The following LAMB4 variants were observed in gnomAD, a reference collection of about 807,000 sequenced individuals.
LAMB4 encodes the protein laminin subunit beta 4, also known as laminin subunit beta-4.
LAMB4 carries 196 observed loss-of-function variants against 199.2 expected under a neutral mutation model. That is an observed-to-expected ratio of 0.98 (90% CI 0.88 to 1.11). The LOEUF is 1.11. Ranked by LOEUF, LAMB4 falls within the 50% of genes least tolerant of loss-of-function variation. The probability of loss-of-function intolerance (pLI) is 0.00; values close to 1 mark genes in which losing one functional copy is unlikely to be tolerated. For synonymous variants in LAMB4, 744 were observed against 770.6 expected (o/e 0.97, Z 0.57); for missense variants, 2,080 against 2,171.2 (o/e 0.96, Z 0.83).
chr7:108,064,092 G>A, intron 21 of LAMB4, 107 bp from the exon 22 acceptor site: 6 of 775,978 alleles, frequency 7.7e-6, no homozygotes, highest in Non-Finnish European at 1.1e-5. Flanking sequence ...TAGGAATAAT[G>A]AGAAATCACA....
intron 28 of LAMB4, 77 bp downstream of exon 28, chr7:108,047,831 T>C: frequency 1.7e-6 from 2 of 1,154,174 alleles, no homozygotes; most frequent in East Asian, 2.3e-5. Context: ...GGAAGTTATA[T>C]GGCAGTTTTA....
At chr7:108,127,730 C>T (rs1422913326) in intron 1 of LAMB4, among the ~76,000 whole-genome samples, 5 of 152,190 alleles carry the variant, frequency 3.3e-5, no homozygotes, top group Non-Finnish European at 5.9e-5. Flanking sequence ...GATGAACGCT[C>T]AAGTTTGAGA....
At chr7:108,019,356 T>G (rs1192623110), downstream of LAMB4, among the ~76,000 whole-genome samples, 1 of 151,986 alleles carries the variant, frequency 6.6e-6, no homozygotes, top group Non-Finnish European at 1.5e-5. Context: ...CTGCCTTCTC[T>G]TCCACTTGAG....
chr7:108,078,366 G>T, intron 15 of LAMB4, 50 bp from the exon 16 acceptor site: 1 of 1,155,594 alleles, frequency 8.7e-7, no homozygotes, highest in Non-Finnish European at 1.3e-6. Context: ...GCAGGAAAAT[G>T]TTTTGCACGT....
chr7:108,063,845 G>A lies in LAMB4; in HGVS notation c.2977C>T (p.Arg993Ter), dbSNP rs943363751. Residue 993 changes from arginine to a stop codon, truncating the protein, a stop_gained, in exon 22 of 34, where the codon CGA (arginine) becomes TGA (stop). Transcript: ENST00000388781. LOFTEE classifies it high-confidence loss of function. Reference protein sequence around the residue: ...SCSRVTGECLRCLHNTQGANC... With the variant: ...SCSRVTGECL ...GCGCCCTGAGTGTTGTGCAAACATCGAAGGCACTCCCCTGTTACCCGGCTG... is the reference window on the plus strand; with the variant it reads ...GCGCCCTGAGTGTTGTGCAAACATCAAAGGCACTCCCCTGTTACCCGGCTG... 9.3e-6 allele frequency: 15 copies of A among 1,614,044 alleles called. No homozygotes were observed. Among genetic ancestry groups the A allele is most frequent in the East Asian group, 4.5e-5 (2 of 44,890 alleles).
At chr7:108,120,247 C>T (rs1205610944) in intron 2 of LAMB4, among the ~76,000 whole-genome samples, 2 of 152,104 alleles carry the variant, frequency 1.3e-5, no homozygotes, top group East Asian at 1.9e-4. Context: ...TTCTTTCCTT[C>T]GATTTGACCT....
rs1459249834 is a variant in LAMB4 at position 108,105,802 on chromosome 7, G to A, written c.870+15C>T. On this transcript the variant is annotated intron_variant, in intron 8 of 33. Transcript: ENST00000388781. ...AGGTAGGACAGCCCACTGTTCTTTT[G>A]GATTAATAACTCACCATTCCAGGAG... The A allele has an allele frequency of 1.9e-6, 3 of 1,611,312 alleles. No homozygotes were observed. The highest frequency in any genetic ancestry group is 2.5e-6 in the Non-Finnish European group (3 of 1,177,506).
intron 25 of LAMB4, 48 bp downstream of exon 25, chr7:108,055,584 A>G (rs376903368): frequency 8.3e-5 from 129 of 1,555,112 alleles, no homozygotes; most frequent in Non-Finnish European, 1.1e-4. Flanking sequence ...GGTGGGAGTT[A>G]AGGTAAATCA....
At chr7:108,086,303 C>T (rs1209203772) in intron 14 of LAMB4, among the ~76,000 whole-genome samples, 2 of 152,182 alleles carry the variant, frequency 1.3e-5, no homozygotes, top group East Asian at 3.9e-4. Context: ...CCCCCTTTCT[C>T]ATTTCCTAGC....
intron 21 of LAMB4, among the ~76,000 whole-genome samples, chr7:108,065,263 G>A (rs972841631): frequency 1.3e-5 from 2 of 152,064 alleles, no homozygotes; most frequent in African/African-American, 2.4e-5. Context: ...AGAGATACAT[G>A]TTTTGAATTA....
intron 33 of LAMB4, among the ~76,000 whole-genome samples, chr7:108,027,256 C>G (rs1191234455): frequency 6.6e-6 from 1 of 151,900 alleles, no homozygotes; most frequent in Admixed American, 6.6e-5. Flanking sequence ...AAAAAAAAAT[C>G]TGTTTCTCTG....
At chr7:108,064,657 A>G (rs1242729120) in intron 21 of LAMB4, among the ~76,000 whole-genome samples, 2 of 152,180 alleles carry the variant, frequency 1.3e-5, no homozygotes, top group Non-Finnish European at 2.9e-5. Context: ...CAGTTCTTAA[A>G]AACTGACCAA....
the LAMB4 span, among the ~76,000 whole-genome samples, chr7:108,012,685 A>G: frequency 6.6e-6 from 1 of 152,212 alleles, no homozygotes; most frequent in Admixed American, 6.5e-5. Context: ...TTATCTGTGA[A>G]ACAAGTACAA....
chr7:108,091,895 A>G (rs2037419741), intron 13 of LAMB4, 119 bp from the exon 14 acceptor site: 5 of 975,344 alleles, frequency 5.1e-6, no homozygotes, highest in African/African-American at 1.6e-5. Flanking sequence ...CAGTCAATCA[A>G]TGGTCCTGTG....
intron 19 of LAMB4, 152 bp downstream of exon 19, chr7:108,067,864 A>T (rs191701182): frequency 1.0e-6 from 1 of 955,448 alleles, no homozygotes; most frequent in African/African-American, 1.6e-5. Context: ...TAGCAAAAAA[A>T]TGTTCAGTAT....
At chr7:108,059,097 CTTTTTTT>C (rs57814646) in intron 23 of LAMB4, among the ~76,000 whole-genome samples, 3 of 107,878 alleles carry the variant, frequency 2.8e-5, no homozygotes, top group South Asian at 3.1e-4. Flanking sequence ...CAATCTGCCA[CTTTTTTT>C]TTTTTTTTTT....
chr7:108,061,163 A>T (rs2036146910), intron 23 of LAMB4, among the ~76,000 whole-genome samples: 4 of 152,206 alleles, frequency 2.6e-5, no homozygotes, highest in Admixed American at 1.3e-4. Flanking sequence ...GGAAGGCCTG[A>T]GAAACTGTCG....
intron 29 of LAMB4, among the ~76,000 whole-genome samples, chr7:108,038,734 C>T (rs2035317032): frequency 6.6e-6 from 1 of 152,172 alleles, no homozygotes; most frequent in Non-Finnish European, 1.5e-5. Context: ...CAAGACAATT[C>T]TTCTTCCAGT....
intron 21 of LAMB4, among the ~76,000 whole-genome samples, chr7:108,065,443 T>C (rs1447682166): frequency 6.6e-6 from 1 of 152,228 alleles, no homozygotes; most frequent in Non-Finnish European, 1.5e-5. Flanking sequence ...TATGCTACTT[T>C]ATCACATTTA....
Sources: allele counts gnomAD v4.1 joint callset (sites outside exome capture counted in the v4.1 genomes callset), GRCh38; gene constraint gnomAD v4.1.1; transcripts MANE v1.5; gene names NCBI Gene and HGNC (gene_info 2026-07-23, HGNC 2026-07-21).